The following AK5 variants were observed in gnomAD, a reference collection of about 807,000 sequenced individuals.
AK5 encodes the protein adenylate kinase isoenzyme 5.
A neutral mutation model predicts 69.5 loss-of-function variants in AK5; 27 were observed. That is an observed-to-expected ratio of 0.39 (90% CI 0.29 to 0.54). AK5 has a LOEUF of 0.54. AK5 is among the 20% of genes least tolerant of loss of function. The pLI is 0.71. For synonymous variants in AK5, 260 were observed against 244.4 expected (o/e 1.06, Z -0.60); for missense variants, 531 against 700.4 (o/e 0.76, Z 2.73).
chr1:77,410,615 A>G (rs1275234877), intron 6 of AK5, among the ~76,000 whole-genome samples: 1 of 151,934 alleles, frequency 6.6e-6, no homozygotes, highest in Admixed American at 6.6e-5. Flanking sequence ...GTTTTTAACA[A>G]TAAGTTTAGA....
At chr1:77,347,994 G>A (rs565779289) in intron 6 of AK5, among the ~76,000 whole-genome samples, 20 of 152,228 alleles carry the variant, frequency 1.3e-4, no homozygotes, top group Middle Eastern at 3.4e-3. Flanking sequence ...TGTCAGCATC[G>A]GATGAGAAGA....
chr1:77,282,401 T>C (rs749507463), intron 1 of AK5, 28 bp downstream of exon 1: 14 of 1,535,332 alleles, frequency 9.1e-6, no homozygotes, highest in Admixed American at 2.0e-5. Context: ...CGACGGGCGG[T>C]AGCATCCGGG....
chr1:77,369,588 TGA>T (rs150056784), intron 6 of AK5, among the ~76,000 whole-genome samples: 11,218 of 152,230 alleles, frequency 0.074, 529 homozygotes, highest in Admixed American at 0.12. Flanking sequence ...CAACTGATCA[TGA>T]GAGTTATATT....
intron 6 of AK5, among the ~76,000 whole-genome samples, chr1:77,351,882 T>C (rs547234652): frequency 6.6e-6 from 1 of 152,200 alleles, no homozygotes; most frequent in East Asian, 1.9e-4. Flanking sequence ...AAAATAATCC[T>C]TTTTTCTGTT....
chr1:77,372,956 T>C (rs577417621), intron 6 of AK5, among the ~76,000 whole-genome samples: 1 of 152,362 alleles, frequency 6.6e-6, no homozygotes, highest in African/African-American at 2.4e-5. Flanking sequence ...CACCATTCTT[T>C]TATTCTTTGA....
intron 5 of AK5, among the ~76,000 whole-genome samples, chr1:77,307,832 T>C (rs972674300): frequency 7.9e-5 from 12 of 152,210 alleles, no homozygotes; most frequent in Non-Finnish European, 1.8e-4. Flanking sequence ...TTTTTCTATC[T>C]TGTCAGTACT....
At chr1:77,475,545 T>A (rs61784769) in intron 8 of AK5, among the ~76,000 whole-genome samples, 1 of 84,470 alleles carries the variant, frequency 1.2e-5, no homozygotes, top group Non-Finnish European at 2.4e-5. Flanking sequence ...CAAATATATA[T>A]TATATATATA....
intron 11 of AK5, among the ~76,000 whole-genome samples, chr1:77,519,338 C>T (rs1657853176): frequency 6.6e-6 from 1 of 152,158 alleles, no homozygotes; most frequent in Non-Finnish European, 1.5e-5. Context: ...TAACCAGCTG[C>T]ACTCTGTTTC....
Position 77,495,728 on chromosome 1 carries a change from T to C in AK5, c.1147+9376T>C, listed in dbSNP as rs187468659. ...GAGTGGGTCTGAGGGAACCTGGTCA[T>C]GCTGAGATTTTCTCTGTGGGTGGGA... On this transcript the variant is annotated intron_variant, in intron 10 of 13. Transcript: ENST00000354567. 5.8e-4 allele frequency among the ~76,000 whole-genome samples: 88 copies of C among 152,302 alleles called. 1 individual carries two copies. The highest frequency in any genetic ancestry group is 3.4e-3 in the Middle Eastern group (1 of 294).
intron 12 of AK5, among the ~76,000 whole-genome samples, chr1:77,531,371 T>C (rs939068237): frequency 6.6e-6 from 1 of 152,138 alleles, no homozygotes; most frequent in Non-Finnish European, 1.5e-5. Flanking sequence ...TGCTGATTGG[T>C]CCATTTTACA....
At chr1:77,370,046 G>C (rs1647090839) in intron 6 of AK5, among the ~76,000 whole-genome samples, 1 of 152,162 alleles carries the variant, frequency 6.6e-6, no homozygotes, top group African/African-American at 2.4e-5. Flanking sequence ...ATCCAGTGTT[G>C]TAGGGAGGAA....
At chr1:77,554,854 G>A (rs148632287) in intron 13 of AK5, among the ~76,000 whole-genome samples, 3,903 of 149,452 alleles carry the variant, frequency 0.026, 77 homozygotes, top group African/African-American at 0.054. Flanking sequence ...CTGACCTCGT[G>A]ATCCACCCGC....
At chr1:77,553,485 G>A (rs1214694744) in intron 13 of AK5, among the ~76,000 whole-genome samples, 2 of 152,234 alleles carry the variant, frequency 1.3e-5, no homozygotes, top group Non-Finnish European at 2.9e-5. Context: ...ACATGCATTT[G>A]AAGTAGATGG....
At chr1:77,367,569 A>ATTATATATATGTTATATATATGT (rs1462793828) in intron 6 of AK5, among the ~76,000 whole-genome samples, 1 of 31,628 alleles carries the variant, frequency 3.2e-5, no homozygotes, top group Non-Finnish European at 6.3e-5. Context: ...ATATATATAT[A>ATTATATATATGTTATATATATGT]TATATATATA....
At chr1:77,400,285 A>T (rs914492014) in intron 6 of AK5, among the ~76,000 whole-genome samples, 2 of 152,090 alleles carry the variant, frequency 1.3e-5, no homozygotes, top group Non-Finnish European at 2.9e-5. Flanking sequence ...GTGGATTTGG[A>T]TCCTGGCTCT....
At chr1:77,462,128 T>C (rs147609444) in intron 8 of AK5, among the ~76,000 whole-genome samples, 110 of 152,368 alleles carry the variant, frequency 7.2e-4, no homozygotes, top group African/African-American at 2.6e-3. Flanking sequence ...CAAGCTCTTA[T>C]CCTACTCGAA....
chr1:77,438,317 A>AG (rs1652093002), intron 8 of AK5, among the ~76,000 whole-genome samples: 2 of 129,508 alleles, frequency 1.5e-5, no homozygotes, highest in Non-Finnish European at 1.7e-5. Context: ...AAAAAAAAAA[A>AG]AAAAAAACAA....
chr1:77,466,475 T>C (rs1456513500), intron 8 of AK5, among the ~76,000 whole-genome samples: 1 of 152,178 alleles, frequency 6.6e-6, no homozygotes, highest in Non-Finnish European at 1.5e-5. Flanking sequence ...CTGGGCACAA[T>C]ACCTGGCAGA....
At chr1:77,416,387 CA>C (rs1427314146) in intron 7 of AK5, among the ~76,000 whole-genome samples, 2 of 152,126 alleles carry the variant, frequency 1.3e-5, no homozygotes, top group Non-Finnish European at 2.9e-5. Context: ...TTGTTCTGAA[CA>C]CACTTATGCA....
Sources: gnomAD v4.1 joint callset for allele counts (sites outside exome capture counted in the v4.1 genomes callset) on GRCh38, gnomAD v4.1.1 for gene constraint, MANE v1.5 for transcripts, NCBI Gene and HGNC (gene_info 2026-07-23, HGNC 2026-07-21) for gene names.